The following AUTS2 variants were observed in gnomAD, a reference collection of about 807,000 sequenced individuals.
The protein encoded by AUTS2 is autism susceptibility gene 2 protein.
Under a neutral mutation model 112.4 loss-of-function variants are expected in AUTS2, and 17 were observed. The observed-to-expected ratio is 0.15, with a 90% CI of 0.10 to 0.23. The LOEUF is 0.23. Among genes scored for constraint, AUTS2 ranks in the 10% least tolerant of loss-of-function variants. The pLI is 1.00. For missense variants in AUTS2, 1,510 were observed against 1,701.6 expected, an observed-to-expected ratio of 0.89 and a Z score of 1.98; for synonymous variants, 751 against 702.7, an observed-to-expected ratio of 1.07 and a Z score of -1.09.
At chr7:70,317,494 T>A (rs766078822) in intron 4 of AUTS2, among the ~76,000 whole-genome samples, 6 of 152,236 alleles carry the variant, frequency 3.9e-5, no homozygotes, top group Non-Finnish European at 8.8e-5. Flanking sequence ...GAATTCATTT[T>A]TCCTGGTTTT....
intron 1 of AUTS2, among the ~76,000 whole-genome samples, chr7:69,723,104 A>T (rs1049319754): frequency 6.6e-5 from 10 of 152,202 alleles, no homozygotes; most frequent in African/African-American, 2.2e-4. Context: ...GCAGTCCCTG[A>T]TCCAAAGGAC....
rs542580251 is a variant in AUTS2, at chr7:70,420,043, C to T, written c.661-15709C>T. On this transcript the variant is annotated intron_variant, in intron 4 of 18. Coordinates refer to ENST00000342771, the MANE Select transcript of AUTS2 (RefSeq NM_015570.4). ...TGCAGGGGAGAGAATTAAAGGTCTC[C>T]TGGGGCTATGAGGCGGCTACTAAGT... Among the ~76,000 whole-genome samples the T allele has an allele frequency of 5.3e-5, 8 of 152,280 alleles. No individual in the cohort carries two copies. In the East Asian group the frequency reaches 1.5e-3, roughly 29 times the overall value.
chr7:70,003,217 A>G (rs1234137865), intron 2 of AUTS2, among the ~76,000 whole-genome samples: 1 of 134,048 alleles, frequency 7.5e-6, no homozygotes, highest in South Asian at 2.2e-4. Context: ...TGAATATATT[A>G]TATATGAATA....
chr7:70,298,653 G>T (rs1334043390), intron 4 of AUTS2, among the ~76,000 whole-genome samples: 1 of 152,176 alleles, frequency 6.6e-6, no homozygotes, highest in Admixed American at 6.5e-5. Context: ...AGGCATGAAG[G>T]ATCTATTAAA....
intron 4 of AUTS2, among the ~76,000 whole-genome samples, chr7:70,378,730 C>T (rs1350581880): frequency 6.6e-6 from 1 of 152,214 alleles, no homozygotes; most frequent in African/African-American, 2.4e-5. Context: ...GAAGGCTTAT[C>T]ATTTTCCATT....
rs570114819 is a variant in AUTS2 at position 70,039,786 on chromosome 7, C to T, written c.523-78346C>T. Among the ~76,000 whole-genome samples the T allele has an allele frequency of 6.6e-5, 10 of 152,170 alleles. No individual in the cohort carries two copies. The South Asian group carries it at 1.7e-3, about 25-fold the overall frequency. On this transcript the variant is annotated intron_variant, in intron 2 of 18. Coordinates refer to ENST00000342771, the MANE Select transcript of AUTS2 (RefSeq NM_015570.4). ...TTGTATATTTCACATGACAGTGATA[C>T]GAGGGATAATTGATTATTTGAGGTA...
chr7:70,631,813 T>A lies in AUTS2; in HGVS notation c.691-66756T>A, dbSNP rs1423180272. Among the ~76,000 whole-genome samples, 2 of 152,050 alleles carry A rather than the reference T, an allele frequency of 1.3e-5. No individual in the cohort carries two copies. Among genetic ancestry groups the A allele is most frequent in the African/African-American group, 4.8e-5 (2 of 41,396 alleles). Reference sequence around the variant, plus strand: ...GACAGCATCTCCAGCCCCGCGCCCGTGTGTGCTAACTTGCTAGGGGGCAGG... The same window carrying A: ...GACAGCATCTCCAGCCCCGCGCCCGAGTGTGCTAACTTGCTAGGGGGCAGG... On this transcript the variant is annotated intron_variant, in intron 5 of 18. Transcript: ENST00000342771. The surrounding 1 kb of genome is among the most constrained non-coding windows in gnomAD (Gnocchi z 4.5).
At chr7:70,498,719 CT>C (rs1285975604) in intron 5 of AUTS2, among the ~76,000 whole-genome samples, 1 of 152,166 alleles carries the variant, frequency 6.6e-6, no homozygotes, top group Non-Finnish European at 1.5e-5. Flanking sequence ...TTTATTTTAA[CT>C]GATCTGCTGG....
intron 4 of AUTS2, among the ~76,000 whole-genome samples, chr7:70,398,685 A>G (rs1044127157): frequency 6.6e-6 from 1 of 151,946 alleles, no homozygotes; most frequent in Admixed American, 6.6e-5. Context: ...AGACAGTTTA[A>G]CTCTTCCTTT....
chr7:70,665,121 C>T (rs1294177891), intron 5 of AUTS2, among the ~76,000 whole-genome samples: 1 of 152,108 alleles, frequency 6.6e-6, no homozygotes, highest in African/African-American at 2.4e-5. Context: ...TTTGTCCTTC[C>T]AAACAACAAT....
At chr7:70,501,257 C>T (rs1268423734) in intron 5 of AUTS2, among the ~76,000 whole-genome samples, 1 of 152,078 alleles carries the variant, frequency 6.6e-6, no homozygotes, top group Non-Finnish European at 1.5e-5. Flanking sequence ...GGCACATGAT[C>T]AGAATGTGTG....
chr7:69,638,238 A>G (rs1794638769), intron 1 of AUTS2, among the ~76,000 whole-genome samples: 1 of 152,108 alleles, frequency 6.6e-6, no homozygotes. Flanking sequence ...GCTGGTCTCA[A>G]ACTCCTGGCC....
At chr7:70,137,455 G>A (rs1376944061) in intron 4 of AUTS2, among the ~76,000 whole-genome samples, 2 of 150,584 alleles carry the variant, frequency 1.3e-5, no homozygotes, top group East Asian at 3.9e-4. Context: ...AGTGTGTGTA[G>A]GATTTTCTTT....
chr7:69,734,810 C>G (rs1786956026), intron 1 of AUTS2, among the ~76,000 whole-genome samples: 1 of 152,088 alleles, frequency 6.6e-6, no homozygotes, highest in Admixed American at 6.5e-5. Flanking sequence ...ATTATAAAAG[C>G]TCTGAAAAGG....
intron 4 of AUTS2, among the ~76,000 whole-genome samples, chr7:70,218,778 A>G (rs1249004734): frequency 6.6e-6 from 1 of 152,128 alleles, no homozygotes; most frequent in Non-Finnish European, 1.5e-5. Flanking sequence ...TTTACCAAAC[A>G]TCTTTTGCTT....
Position 70,134,588 on chromosome 7 carries a change from T to A in AUTS2, c.660+17T>A. 6.2e-7 allele frequency: 1 copy of A among 1,612,234 alleles called. No individual in the cohort carries two copies. The highest frequency in any genetic ancestry group is 8.5e-7 in the Non-Finnish European group (1 of 1,178,438). On this transcript the variant is annotated intron_variant, in intron 4 of 18. Coordinates refer to ENST00000342771, the MANE Select transcript of AUTS2 (RefSeq NM_015570.4). Reference sequence around the variant, plus strand: ...GGCTACTTCGTAAGTCTATCTCAACTTCCACATATGTGCCTTGCATTGGCA... The same window carrying A: ...GGCTACTTCGTAAGTCTATCTCAACATCCACATATGTGCCTTGCATTGGCA...
Position 70,555,627 on chromosome 7 carries a change from G to A in AUTS2, c.690+119846G>A, listed in dbSNP as rs576411483. ...TGTGACTGAAACTGTTTGGCTTTGG[G>A]AAGTCTAACCTTCTCTGATGTTGTT... On this transcript the variant is annotated intron_variant, in intron 5 of 18. Transcript: ENST00000342771. Among the ~76,000 whole-genome samples the A allele has an allele frequency of 2.0e-4, 31 of 152,278 alleles. No homozygotes were observed. The East Asian group carries it at 5.2e-3, about 26-fold the overall frequency.
chr7:70,377,325 A>AATAAATATATAT (rs1793136400), intron 4 of AUTS2, among the ~76,000 whole-genome samples: 4 of 52,060 alleles, frequency 7.7e-5, no homozygotes, highest in Admixed American at 2.5e-4. Context: ...AACAAATATA[A>AATAAATATATAT]ATATATATAT....
chr7:70,430,350 C>T (rs981639371), intron 4 of AUTS2, among the ~76,000 whole-genome samples: 1 of 152,144 alleles, frequency 6.6e-6, no homozygotes, highest in Non-Finnish European at 1.5e-5. Context: ...GGCACATACC[C>T]AACGGAAGCT....
Sources: allele counts gnomAD v4.1 joint callset (sites outside exome capture counted in the v4.1 genomes callset), GRCh38; gene constraint gnomAD v4.1.1; non-coding constraint Gnocchi (gnomAD v3.1); transcripts MANE v1.5; gene names NCBI Gene and HGNC (gene_info 2026-07-23, HGNC 2026-07-21).